Variants in ZNF99 observed in about 807,000 individuals in gnomAD.
ZNF99 encodes the protein zinc finger protein 99, also known as zinc finger protein ENSP00000375192.
ZNF99 carries 8 observed loss-of-function variants against 12.8 expected under a neutral mutation model. The observed-to-expected ratio is 0.62, with a 90% confidence interval of 0.37 to 1.13. ZNF99 has a LOEUF of 1.13. Ranked by LOEUF, ZNF99 falls within the 50% of genes most tolerant of loss-of-function variation. The pLI is 0.02. For synonymous variants in ZNF99, 318 were observed against 319.0 expected, an observed-to-expected ratio of 1.00 and a Z score of 0.03; for missense variants, 1,007 against 1,006.2, an observed-to-expected ratio of 1.00 and a Z score of -0.01.
chr19:22,769,320 G>C lies in ZNF99; in HGVS notation c.8C>G (p.Ser3Trp). ...TATGGTCACATCCCAAAATGTCAAC[G>C]ATCCCTGAAAAACACAACAAAGATA... The part of the protein sequence containing the change: MG[S>W]LTFWDVTIEF... The change falls in exon 2 of 4, where the codon TCG becomes TGG. Residue 3 changes from serine (S) to tryptophan (W), a missense_variant. Transcript: ENST00000596209. The C allele has an allele frequency of 6.2e-7, 1 of 1,603,392 alleles. No individual in the cohort carries two copies. The highest frequency in any genetic ancestry group is 1.1e-5 in the South Asian group (1 of 90,080).
chr19:22,759,274 C>T lies in ZNF99; in HGVS notation c.635G>A (p.Trp212Ter). 2 of 1,550,580 alleles carry T rather than the reference C, an allele frequency of 1.3e-6. No homozygotes were observed. The highest frequency in any genetic ancestry group is 8.7e-7 in the Non-Finnish European group (1 of 1,148,602). The change falls in exon 4 of 4, where the codon TGG becomes TAG. Residue 212 changes from tryptophan (W) to a stop codon, truncating the protein, a stop_gained. Coordinates refer to ENST00000596209, the MANE Select transcript of ZNF99 (RefSeq NM_001080409.3). LOFTEE classifies it low-confidence loss of function (END_TRUNC). ...KCEERGKAFK[W>*]FSTLIKHKII... Reference sequence around the variant, plus strand: ...CTTATGTTTAATAAGGGTTGAGAACCATTTAAAGGCTTTGCCACGTTCTTC... The same window carrying T: ...CTTATGTTTAATAAGGGTTGAGAACTATTTAAAGGCTTTGCCACGTTCTTC...
chr19:22,759,658 T>A lies in ZNF99; in HGVS notation c.251A>T (p.Asp84Val). 1 of 1,550,698 alleles carries A rather than the reference T, an allele frequency of 6.4e-7. No individual in the cohort carries two copies. The highest frequency in any genetic ancestry group is 8.6e-7 in the Non-Finnish European group (1 of 1,156,168). The change falls in exon 4 of 4, where the codon GAC becomes GTC. Residue 84 changes from aspartate to valine, a missense_variant. By Grantham distance (152) the Asp-to-Val change is radical. Coordinates refer to ENST00000596209, the MANE Select transcript of ZNF99 (RefSeq NM_001080409.3). The stretch of plus-strand genomic sequence containing the variant: ...TTTTATGCTCTGATCTGGCCAAAAG[T>A]CTTGTGTAAAATGAGAACTAATAAC... Reference protein sequence around the residue: ...PPVISSHFTQDFWPDQSIKDS... With the variant: ...PPVISSHFTQVFWPDQSIKDS...
intron 1 of ZNF99, among the ~76,000 whole-genome samples, chr19:22,777,129 G>C (rs553188766): frequency 3.1e-4 from 47 of 152,236 alleles, no homozygotes; most frequent in African/African-American, 1.1e-3. Flanking sequence ...TCCAGCCTGG[G>C]TGACAGAGAC....
chr19:22,755,072 TCAAAAAAAA>T lies in ZNF99; in HGVS notation c.*2233_*2241del, dbSNP rs375538358. Reference sequence around the variant, plus strand: ...TGGGCAACTAGGGCGAAACTCTGTTTCAAAAAAAAAAAAAAAAAAATTGAAGAATGCTTA... The same window carrying T: ...TGGGCAACTAGGGCGAAACTCTGTTTAAAAAAAAAAATTGAAGAATGCTTA... On this transcript the variant is annotated 3_prime_UTR_variant, in exon 4 of 4. Coordinates refer to ENST00000596209, the MANE Select transcript of ZNF99 (RefSeq NM_001080409.3). 960 of 39,028 alleles carry T rather than the reference TCAAAAAAAA, an allele frequency of 0.025. 12 individuals are homozygous for T. The highest frequency in any genetic ancestry group is 0.092 in the African/African-American group (791 of 8,572). The allele number at this position is 39,028 out of a possible 1,614,324, so 2.4% of individuals were successfully genotyped here.
chr19:22,774,856 C>A (rs1196148021), intron 1 of ZNF99, among the ~76,000 whole-genome samples: 2 of 151,346 alleles, frequency 1.3e-5, no homozygotes, highest in South Asian at 4.2e-4. Context: ...GGCGACAGAG[C>A]GAGGATCTGA....
Position 22,758,741 on chromosome 19 carries a change from T to C in ZNF99, c.1168A>G (p.Ile390Val). 1 of 1,613,688 alleles carries C rather than the reference T, an allele frequency of 6.2e-7. No homozygotes were observed. The highest frequency in any genetic ancestry group is 2.2e-5 in the East Asian group (1 of 44,858). The part of the protein sequence containing the change: ...NLSALRKHEI[I>V]HTGQKPYKCE... ...TTGTAGGGTTTCTGTCCAGTATGAA[T>C]TATCTCATGTTTTCTAAGGGCTGAC... The change falls in exon 4 of 4, where the codon ATT becomes GTT. Residue 390 changes from isoleucine (I) to valine (V), a missense_variant. Coordinates refer to ENST00000596209, the MANE Select transcript of ZNF99 (RefSeq NM_001080409.3).
chr19:22,760,864 C>A (rs2145145303), intron 3 of ZNF99, among the ~76,000 whole-genome samples: 1 of 129,442 alleles, frequency 7.7e-6, no homozygotes, highest in Non-Finnish European at 1.6e-5. Flanking sequence ...TGAGAAGAAA[C>A]ATGAGTAACA....
intron 3 of ZNF99, among the ~76,000 whole-genome samples, chr19:22,767,687 TTCAA>T (rs1973219422): frequency 6.6e-6 from 1 of 152,164 alleles, no homozygotes; most frequent in Admixed American, 6.5e-5. Flanking sequence ...AGACCCCATT[TTCAA>T]TAATAATAGA....
chr19:22,758,061 A>G lies in ZNF99; in HGVS notation c.1848T>C (p.Thr616=), dbSNP rs1468252588. The change falls in exon 4 of 4, where the codon ACT becomes ACC. Residue 616 remains threonine (T), a synonymous_variant. Coordinates refer to ENST00000596209, the MANE Select transcript of ZNF99 (RefSeq NM_001080409.3). ...SALRKHQIIH[T]GKKPYKCEEC... ...CTTCACATTTGTAGGGTTTCTTTCC[A>G]GTATGAATTATCTGATGTTTTCTAA... is the stretch of plus-strand genomic sequence containing the variant. The G allele has an allele frequency of 1.9e-6, 3 of 1,604,730 alleles. No individual in the cohort carries two copies. The highest frequency in any genetic ancestry group is 2.2e-5 in the South Asian group (2 of 90,532).
chr19:22,770,113 GT>G, intron 1 of ZNF99: 28 of 889,902 alleles, frequency 3.1e-5, no homozygotes, highest in East Asian at 8.3e-5. Flanking sequence ...AGTAATGCCT[GT>G]TTTTGGCCCC....
intron 3 of ZNF99, among the ~76,000 whole-genome samples, chr19:22,760,906 A>AAAT (rs1229709065): frequency 6.7e-6 from 1 of 148,876 alleles, no homozygotes. Context: ...AAAAAAAAAA[A>AAAT]TTTCAAACAA....
At chr19:22,770,202 C>A (rs773880043) in intron 1 of ZNF99, among the ~76,000 whole-genome samples, 3 of 152,058 alleles carry the variant, frequency 2.0e-5, no homozygotes, top group Non-Finnish European at 2.9e-5. Flanking sequence ...TAAACAAAGA[C>A]GAGAGCCCTC....
Position 22,756,116 on chromosome 19 carries a change from C to T in ZNF99, c.*1198G>A, listed in dbSNP as rs71357930. 63,077 of 1,470,698 alleles carry T rather than the reference C, an allele frequency of 0.043. 4,003 individuals carry two copies. Among genetic ancestry groups the T allele is most frequent in the African/African-American group, 0.3 (21,321 of 71,722 alleles). 91.1% of individuals were successfully genotyped at this position (1,470,698 alleles called of 1,614,324 possible). ...GTTAAAAGCTTTGCCACATTCTTCA[C>T]ATATGGAGGGTCTGTCTCTAGTATA... On this transcript the variant is annotated 3_prime_UTR_variant, in exon 4 of 4. Transcript: ENST00000596209.
rs1462147485 is a variant in ZNF99 at position 22,753,483 on chromosome 19, C to T, written c.*3831G>A. On this transcript the variant is annotated 3_prime_UTR_variant, in exon 4 of 4. Transcript: ENST00000596209. ...TATAAACTTTTTTCCAAATTTATTA[C>T]ATTTGCAGGTTTTTTTCTCTATTAT... 3.3e-5 allele frequency: 5 copies of T among 152,002 alleles called. No individual in the cohort carries two copies. Among genetic ancestry groups the T allele is most frequent in the Admixed American group, 1.3e-4 (2 of 15,268 alleles). 9.4% of individuals were successfully genotyped at this position (152,002 alleles called of 1,614,324 possible). A position where few individuals can be genotyped will look rare whatever the true frequency, so the allele number is the denominator to read the frequency against.
At chr19:22,763,057 C>T (rs1278529897) in intron 3 of ZNF99, among the ~76,000 whole-genome samples, 3 of 152,056 alleles carry the variant, frequency 2.0e-5, no homozygotes, top group Non-Finnish European at 4.4e-5. Flanking sequence ...TGAAAGCATT[C>T]CCTCTGAGGA....
intron 1 of ZNF99, among the ~76,000 whole-genome samples, chr19:22,774,752 C>A (rs1432402790): frequency 6.6e-6 from 1 of 152,138 alleles, no homozygotes; most frequent in African/African-American, 2.4e-5. Flanking sequence ...CGCCTGTAAT[C>A]TCAGCTATTC....
At chr19:22,762,629 T>C (rs917418069) in intron 3 of ZNF99, among the ~76,000 whole-genome samples, 3 of 152,028 alleles carry the variant, frequency 2.0e-5, no homozygotes, top group African/African-American at 7.3e-5. Context: ...CCTTCCTAAT[T>C]CATTCTATGA....
In ZNF99 at chr19:22,756,867, C is replaced by T; in HGVS notation, c.*447G>A. ...CTTAAAAGCTTTGCCACATTCTTCA[C>T]ATTTGTAGGGTTTCTCTACAGTATG... On this transcript the variant is annotated 3_prime_UTR_variant, in exon 4 of 4. Coordinates refer to ENST00000596209, the MANE Select transcript of ZNF99 (RefSeq NM_001080409.3). The T allele has an allele frequency of 1.9e-6, 3 of 1,611,794 alleles. No individual in the cohort carries two copies. The highest frequency in any genetic ancestry group is 2.5e-6 in the Non-Finnish European group (3 of 1,178,966).
intron 2 of ZNF99, 88 bp downstream of exon 2, chr19:22,769,110 A>T: frequency 7.1e-7 from 1 of 1,400,542 alleles, no homozygotes; most frequent in South Asian, 1.3e-5. Context: ...ATTTATGCTA[A>T]GCATAAATCA....
Sources: allele counts gnomAD v4.1 joint callset (sites outside exome capture counted in the v4.1 genomes callset), GRCh38; gene constraint gnomAD v4.1.1; transcripts MANE v1.5; gene names NCBI Gene and HGNC (gene_info 2026-07-23, HGNC 2026-07-21).